Variants in SLC25A21 observed in about 807,000 individuals in gnomAD.
SLC25A21 encodes mitochondrial 2-oxodicarboxylate carrier.
SLC25A21 carries 47 observed loss-of-function variants against 43.8 expected under a neutral mutation model. The observed-to-expected ratio is 1.07, with a 90% CI of 0.85 to 1.37. The LOEUF (loss-of-function observed/expected upper bound fraction) is 1.37. Ranked by LOEUF, SLC25A21 falls within the 40% of genes most tolerant of loss-of-function variation. The probability of loss-of-function intolerance (pLI) is 0.00; values close to 1 mark genes in which losing one functional copy is unlikely to be tolerated. For missense variants in SLC25A21, 352 were observed against 350.2 expected, an observed-to-expected ratio of 1.00 and a Z score of -0.04; for synonymous variants, 131 against 121.3, an observed-to-expected ratio of 1.08 and a Z score of -0.52.
intron 1 of SLC25A21, among the ~76,000 whole-genome samples, chr14:37,011,907 C>T (rs1960742007): frequency 6.7e-6 from 1 of 148,936 alleles, no homozygotes; most frequent in African/African-American, 2.6e-5. Flanking sequence ...TGAACTTTTA[C>T]TTCATATCAT....
At chr14:36,802,355 T>C (rs11845265) in intron 3 of SLC25A21, among the ~76,000 whole-genome samples, 3,053 of 152,274 alleles carry the variant, frequency 0.02, 117 homozygotes, top group African/African-American at 0.069. Flanking sequence ...ATCAGAGTTC[T>C]ACATATTTAC....
At chr14:36,765,463 C>T (rs905195332) in intron 3 of SLC25A21, among the ~76,000 whole-genome samples, 1 of 152,166 alleles carries the variant, frequency 6.6e-6, no homozygotes, top group Non-Finnish European at 1.5e-5. Flanking sequence ...GTTTGCTACA[C>T]AGCAGAGGAT....
intron 7 of SLC25A21, among the ~76,000 whole-genome samples, chr14:36,685,635 A>G (rs1882503995): frequency 6.6e-6 from 1 of 152,218 alleles, no homozygotes; most frequent in African/African-American, 2.4e-5. Flanking sequence ...AGAAAGAGAG[A>G]GCGAGAGTGA....
intron 1 of SLC25A21, among the ~76,000 whole-genome samples, chr14:36,878,741 A>T (rs1443618823): frequency 6.6e-6 from 1 of 152,222 alleles, no homozygotes; most frequent in Admixed American, 6.5e-5. Context: ...ATGACTCTGA[A>T]ATATCAGCTT....
intron 1 of SLC25A21, among the ~76,000 whole-genome samples, chr14:37,018,087 A>C (rs1960902569): frequency 1.3e-5 from 2 of 152,180 alleles, no homozygotes; most frequent in East Asian, 3.9e-4. Context: ...CTTAAAAAAA[A>C]AGTAAATCTG....
chr14:37,130,227 G>C (rs1403106689), intron 1 of SLC25A21, among the ~76,000 whole-genome samples: 1 of 152,096 alleles, frequency 6.6e-6, no homozygotes, highest in Non-Finnish European at 1.5e-5. Flanking sequence ...TTGGGCCTCT[G>C]TACTTGTGCT....
At chr14:36,813,863 A>T in intron 3 of SLC25A21, 55 bp downstream of exon 3, 2 of 1,276,286 alleles carry the variant, frequency 1.6e-6, no homozygotes, top group South Asian at 2.6e-5. Context: ...ATTCGAAATG[A>T]GAAAACATGT....
At chr14:36,971,626 G>C (rs1959751817) in intron 1 of SLC25A21, among the ~76,000 whole-genome samples, 1 of 151,910 alleles carries the variant, frequency 6.6e-6, no homozygotes, top group South Asian at 2.1e-4. Context: ...CTCTCAAAAA[G>C]GAGAAAGAGA....
At chr14:36,749,501 T>C (rs1003581648) in intron 3 of SLC25A21, among the ~76,000 whole-genome samples, 3 of 152,184 alleles carry the variant, frequency 2.0e-5, no homozygotes, top group East Asian at 3.9e-4. Flanking sequence ...AAATAAAAAA[T>C]GGCTCATGTC....
chr14:36,915,027 T>C (rs1221755542), intron 1 of SLC25A21, among the ~76,000 whole-genome samples: 1 of 150,000 alleles, frequency 6.7e-6, no homozygotes, highest in African/African-American at 2.4e-5. Context: ...AAACTTACTA[T>C]TTTTTTTTAC....
At chr14:36,884,993 T>C (rs369928281) in intron 1 of SLC25A21, among the ~76,000 whole-genome samples, 1 of 152,178 alleles carries the variant, frequency 6.6e-6, no homozygotes, top group South Asian at 2.1e-4. Flanking sequence ...TCCATTTGTC[T>C]ATTTTTGCTT....
chr14:36,823,175 T>C (rs1174340363), intron 2 of SLC25A21, among the ~76,000 whole-genome samples: 2 of 152,096 alleles, frequency 1.3e-5, no homozygotes, highest in African/African-American at 4.8e-5. Flanking sequence ...TTAATGACAA[T>C]ATGCTAGTTA....
intron 3 of SLC25A21, among the ~76,000 whole-genome samples, chr14:36,770,055 C>T (rs1024291901): frequency 6.6e-6 from 1 of 152,084 alleles, no homozygotes; most frequent in African/African-American, 2.4e-5. Context: ...CTAGTCTAGA[C>T]CAAGCTTGGA....
At chr14:36,859,798 T>C (rs780948671) in intron 2 of SLC25A21, among the ~76,000 whole-genome samples, 2 of 152,190 alleles carry the variant, frequency 1.3e-5, no homozygotes, top group Admixed American at 6.5e-5. Context: ...TGTGAATTGA[T>C]TCTGTGTGAA....
intron 1 of SLC25A21, among the ~76,000 whole-genome samples, chr14:37,077,522 GA>G (rs1189184882): frequency 1.3e-5 from 2 of 151,952 alleles, no homozygotes; most frequent in Non-Finnish European, 2.9e-5. Context: ...ACGTGACATA[GA>G]ACATGGAAAG....
intron 1 of SLC25A21, among the ~76,000 whole-genome samples, chr14:37,029,224 A>T (rs536720842): frequency 6.6e-6 from 1 of 152,272 alleles, no homozygotes; most frequent in Non-Finnish European, 1.5e-5. Flanking sequence ...GGAAGGTTTA[A>T]TTTTTTCCTT....
At chr14:36,855,143 C>T (rs1594643195) in intron 2 of SLC25A21, among the ~76,000 whole-genome samples, 1 of 152,054 alleles carries the variant, frequency 6.6e-6, no homozygotes, top group South Asian at 2.1e-4. Context: ...CCTTGGCATG[C>T]CATGGCTTGG....
At chr14:37,053,120 T>C (rs941356217) in intron 1 of SLC25A21, among the ~76,000 whole-genome samples, 1 of 152,206 alleles carries the variant, frequency 6.6e-6, no homozygotes, top group Admixed American at 6.5e-5. Context: ...AAGTGACTTA[T>C]AATGAACATA....
chr14:36,794,179 T>C (rs1887591404), intron 3 of SLC25A21, among the ~76,000 whole-genome samples: 1 of 152,030 alleles, frequency 6.6e-6, no homozygotes. Flanking sequence ...ACACATATGA[T>C]CAGAGGCAGA....
Sources: gnomAD v4.1 joint callset for allele counts (sites outside exome capture counted in the v4.1 genomes callset) on GRCh38, gnomAD v4.1.1 for gene constraint, MANE v1.5 for transcripts, NCBI Gene and HGNC (gene_info 2026-07-23, HGNC 2026-07-21) for gene names.